Variants in GRIK2 observed in about 807,000 individuals in gnomAD.
GRIK2 encodes glutamate receptor ionotropic, kainate 2.
Under a neutral mutation model 100.3 loss-of-function variants are expected in GRIK2, and 32 were observed. The observed-to-expected ratio is 0.32, with a 90% CI of 0.24 to 0.43. GRIK2 has a LOEUF of 0.43. GRIK2 is among the 20% of genes least tolerant of loss of function. The pLI, the probability that GRIK2 is intolerant of heterozygous loss-of-function variation, is 1.00. For synonymous variants in GRIK2, 417 were observed against 389.4 expected, an observed-to-expected ratio of 1.07 and a Z score of -0.83; for missense variants, 843 against 1,114.9, an observed-to-expected ratio of 0.76 and a Z score of 3.47.
At chr6:101,943,517 C>CA (rs1791083153) in intron 14 of GRIK2, among the ~76,000 whole-genome samples, 1 of 152,138 alleles carries the variant, frequency 6.6e-6, no homozygotes, top group African/African-American at 2.4e-5. Flanking sequence ...AAAGCAGCTG[C>CA]AGAGGCTGTA....
chr6:101,854,763 T>G (rs896482386), intron 10 of GRIK2, among the ~76,000 whole-genome samples: 9 of 152,306 alleles, frequency 5.9e-5, no homozygotes, highest in Admixed American at 4.6e-4. Context: ...AATCAGTATT[T>G]ACTGGGCACC....
At chr6:101,420,127 C>T (rs1044180780) in intron 2 of GRIK2, among the ~76,000 whole-genome samples, 2 of 152,154 alleles carry the variant, frequency 1.3e-5, no homozygotes, top group African/African-American at 4.8e-5. Context: ...ATTATATTAT[C>T]CAATCCTCAG....
In GRIK2 at chr6:101,731,365, C is replaced by G. The variant is rs147389370; in HGVS notation, c.951+45012C>G. ...GGAAGGAGTGAAAATAATGTATAAA[C>G]AAAGCTTCTGCCCTAGTTCATTATA... On this transcript the variant is annotated intron_variant, in intron 7 of 16. Transcript: ENST00000369134. Among the ~76,000 whole-genome samples, 34 of 151,984 alleles carry G rather than the reference C, an allele frequency of 2.2e-4. No individual in the cohort carries two copies. In the East Asian group the frequency reaches 6.2e-3, roughly 28 times the overall value.
chr6:101,746,462 G>A (rs1057326729), intron 7 of GRIK2, among the ~76,000 whole-genome samples: 3 of 152,114 alleles, frequency 2.0e-5, no homozygotes, highest in African/African-American at 7.2e-5. Flanking sequence ...GAGTAGCTGG[G>A]ATAACAGGCA....
chr6:101,736,452 C>T (rs1775637195), intron 7 of GRIK2, among the ~76,000 whole-genome samples: 1 of 152,184 alleles, frequency 6.6e-6, no homozygotes, highest in African/African-American at 2.4e-5. Context: ...GAAATCTAGG[C>T]AGAGGTTCCC....
At chr6:102,049,794 C>A (rs147930016) in intron 15 of GRIK2, among the ~76,000 whole-genome samples, 2 of 151,984 alleles carry the variant, frequency 1.3e-5, no homozygotes, top group South Asian at 2.1e-4. Flanking sequence ...TTAAAGCATA[C>A]AGAAGCTTGA....
chr6:101,866,107 C>T (rs1167797398), intron 11 of GRIK2, among the ~76,000 whole-genome samples: 1 of 152,100 alleles, frequency 6.6e-6, no homozygotes, highest in African/African-American at 2.4e-5. Context: ...TCAAGTGTCT[C>T]TTTTAATGTA....
intron 2 of GRIK2, among the ~76,000 whole-genome samples, chr6:101,480,902 A>G (rs1772494723): frequency 6.6e-6 from 1 of 152,214 alleles, no homozygotes; most frequent in Non-Finnish European, 1.5e-5. Context: ...AAAGCAGTAA[A>G]AAAACCTGAT....
In GRIK2 at chr6:101,556,819, C is replaced by T. The variant is rs1776771759; in HGVS notation, c.116-65130C>T. 4.6e-5 allele frequency among the ~76,000 whole-genome samples: 7 copies of T among 152,198 alleles called. No individual in the cohort carries two copies. The South Asian group carries it at 1.5e-3, about 32-fold the overall frequency. ...CAAACAGGTCGGTTTAATGCCAAAC[C>T]TCAGGCTCTTAACCATTCTGCTGTA... On this transcript the variant is annotated intron_variant, in intron 2 of 16. Transcript: ENST00000369134.
chr6:101,640,451 T>G (rs1319880206), intron 4 of GRIK2, among the ~76,000 whole-genome samples: 2 of 152,126 alleles, frequency 1.3e-5, no homozygotes, highest in Non-Finnish European at 2.9e-5. Flanking sequence ...TTTCCCAACA[T>G]AGCAATTGTG....
chr6:102,018,818 T>G (rs1769266980), intron 14 of GRIK2, among the ~76,000 whole-genome samples: 1 of 152,108 alleles, frequency 6.6e-6, no homozygotes. Flanking sequence ...AAGCAGTATT[T>G]TTAAAAATGG....
At chr6:101,495,351 A>G (rs1396811262) in intron 2 of GRIK2, among the ~76,000 whole-genome samples, 1 of 151,900 alleles carries the variant, frequency 6.6e-6, no homozygotes, top group Non-Finnish European at 1.5e-5. Context: ...TAAAAATACA[A>G]AACAATTAGC....
chr6:101,670,247 A>T (rs528569870), intron 4 of GRIK2, among the ~76,000 whole-genome samples: 14 of 152,282 alleles, frequency 9.2e-5, no homozygotes, highest in African/African-American at 3.4e-4. Context: ...CACATAGTGG[A>T]TGTGCAAAAA....
chr6:101,543,459 T>G (rs959392124), intron 2 of GRIK2, among the ~76,000 whole-genome samples: 1 of 152,236 alleles, frequency 6.6e-6, no homozygotes, highest in Admixed American at 6.5e-5. Context: ...AATATATTCA[T>G]ACATGATCTG....
chr6:101,753,298 A>G lies in GRIK2; in HGVS notation c.952-46350A>G, dbSNP rs1043155186. ...ACTCCGTCTCAAAAAAAAAAAAAAA[A>G]AAAAGAAAATAACACGATCACCATG... On this transcript the variant is annotated intron_variant, in intron 7 of 16. Transcript: ENST00000369134. Among the ~76,000 whole-genome samples the G allele has an allele frequency of 2.0e-4, 26 of 130,670 alleles. 1 individual carries two copies. The highest frequency in any genetic ancestry group is 4.7e-4 in the South Asian group (2 of 4,226). 85.7% of individuals were successfully genotyped at this position (130,670 alleles called of 152,430 possible).
At chr6:101,617,745 C>T (rs1459692600) in intron 2 of GRIK2, among the ~76,000 whole-genome samples, 2 of 151,594 alleles carry the variant, frequency 1.3e-5, no homozygotes, top group Non-Finnish European at 3.0e-5. Context: ...TTGGGGAATG[C>T]TTGTTCAAAT....
intron 2 of GRIK2, among the ~76,000 whole-genome samples, chr6:101,566,293 A>C (rs1045061341): frequency 6.6e-6 from 1 of 151,960 alleles, no homozygotes; most frequent in Non-Finnish European, 1.5e-5. Flanking sequence ...TTGAAATCTT[A>C]AGTTTGATCT....
chr6:101,549,112 C>T (rs180854247), intron 2 of GRIK2, among the ~76,000 whole-genome samples: 99 of 152,120 alleles, frequency 6.5e-4, no homozygotes, highest in Non-Finnish European at 1.1e-3. Flanking sequence ...GTGTCCAATT[C>T]TCAAACACAT....
chr6:102,011,637 G>A (rs1795543268), intron 14 of GRIK2, among the ~76,000 whole-genome samples: 1 of 135,798 alleles, frequency 7.4e-6, no homozygotes, highest in Non-Finnish European at 1.5e-5. Context: ...AGGTTGGAGT[G>A]CAGTGGCGCG....
Sources: allele counts gnomAD v4.1 joint callset (sites outside exome capture counted in the v4.1 genomes callset), GRCh38; gene constraint gnomAD v4.1.1; transcripts MANE v1.5; gene names NCBI Gene and HGNC (gene_info 2026-07-23, HGNC 2026-07-21).